The following ACBD5 variants were observed in gnomAD, a reference collection of about 807,000 sequenced individuals.
The protein encoded by ACBD5 is acyl-CoA-binding domain-containing protein 5.
A neutral mutation model predicts 71.8 loss-of-function variants in ACBD5; 40 were observed. That is an observed-to-expected ratio of 0.56 (90% CI 0.43 to 0.72). The LOEUF (loss-of-function observed/expected upper bound fraction) is 0.72. Ranked by LOEUF, ACBD5 falls within the 30% of genes least tolerant of loss-of-function variation. The pLI, the probability that ACBD5 is intolerant of heterozygous loss-of-function variation, is 0.00. For missense variants in ACBD5, 559 were observed against 644.5 expected (o/e 0.87, Z 1.44); for synonymous variants, 229 against 218.6 (o/e 1.05, Z -0.42).
chr10:27,228,073 A>G (rs1329984390), intron 4 of ACBD5, among the ~76,000 whole-genome samples: 6 of 151,828 alleles, frequency 4.0e-5, no homozygotes, highest in African/African-American at 1.2e-4. Flanking sequence ...GATTATCCCA[A>G]TCTCTTAGAA....
chr10:27,204,239 A>T (rs1479323976), intron 12 of ACBD5, among the ~76,000 whole-genome samples: 1 of 150,894 alleles, frequency 6.6e-6, no homozygotes, highest in South Asian at 2.1e-4. Flanking sequence ...TCAAGTGAAA[A>T]TGTTTTTAAG....
intron 12 of ACBD5, among the ~76,000 whole-genome samples, chr10:27,199,463 A>C (rs1171297514): frequency 6.6e-6 from 1 of 152,152 alleles, no homozygotes; most frequent in South Asian, 2.1e-4. Flanking sequence ...GTTTTGTTTT[A>C]AATCAACTTG....
chr10:27,224,366 G>A (rs1259118318), intron 4 of ACBD5, among the ~76,000 whole-genome samples: 2 of 152,114 alleles, frequency 1.3e-5, no homozygotes, highest in African/African-American at 4.8e-5. Context: ...GCAACAGAGC[G>A]AGATCTTGTC....
intron 2 of ACBD5, among the ~76,000 whole-genome samples, chr10:27,236,785 G>A (rs1248167104): frequency 6.6e-6 from 1 of 151,196 alleles, no homozygotes; most frequent in Non-Finnish European, 1.5e-5. Flanking sequence ...CTACTCAGGA[G>A]GCTGAGACAG....
intron 5 of ACBD5, 121 bp from the exon 6 acceptor site, chr10:27,219,978 A>C (rs2062128369): frequency 1.3e-6 from 1 of 782,758 alleles, no homozygotes; most frequent in Admixed American, 3.2e-5. Flanking sequence ...AAAATGTTAT[A>C]TATATAATAG....
intron 12 of ACBD5, among the ~76,000 whole-genome samples, chr10:27,198,924 A>G (rs1444643370): frequency 6.6e-6 from 1 of 152,038 alleles, no homozygotes; most frequent in East Asian, 2.0e-4. Context: ...TCCTGCTAAC[A>G]CGGTGAAACC....
chr10:27,236,595 A>T (rs2064733982), intron 2 of ACBD5, among the ~76,000 whole-genome samples: 1 of 152,174 alleles, frequency 6.6e-6, no homozygotes, highest in Non-Finnish European at 1.5e-5. Context: ...CTAGCAGTTT[A>T]TAAGAGCTGT....
intron 7 of ACBD5, among the ~76,000 whole-genome samples, chr10:27,216,522 C>T (rs113156932): frequency 0.059 from 9,016 of 152,108 alleles, 418 homozygotes; most frequent in Admixed American, 0.12. Context: ...GTGATCCACC[C>T]GCCTCGGCCT....
At chr10:27,236,843 C>A (rs527520941) in intron 2 of ACBD5, among the ~76,000 whole-genome samples, 55 of 144,758 alleles carry the variant, frequency 3.8e-4, no homozygotes, top group African/African-American at 1.4e-3. Flanking sequence ...CAAGATCACA[C>A]CACTGCACTA....
intron 12 of ACBD5, among the ~76,000 whole-genome samples, chr10:27,200,646 A>G (rs941826522): frequency 6.6e-6 from 1 of 151,998 alleles, no homozygotes; most frequent in Admixed American, 6.6e-5. Context: ...TTTAGTAGAG[A>G]TAGAGTTTCA....
intron 9 of ACBD5, 97 bp from the exon 10 acceptor site, chr10:27,208,542 A>T: frequency 7.0e-7 from 1 of 1,429,196 alleles, no homozygotes; most frequent in South Asian, 1.2e-5. Context: ...TTGAGATCTA[A>T]ATCTCCAAAG....
At chr10:27,187,751 C>CA (rs11442040) in intron 13 of ACBD5, among the ~76,000 whole-genome samples, 81,390 of 139,206 alleles carry the variant, frequency 0.58, 24,440 homozygotes, top group Non-Finnish European at 0.7. Context: ...GACTCAGTCT[C>CA]AAAAAAAAAA....
chr10:27,207,626 G>T (rs184208853), intron 10 of ACBD5, among the ~76,000 whole-genome samples: 1 of 152,242 alleles, frequency 6.6e-6, no homozygotes, highest in East Asian at 1.9e-4. Flanking sequence ...CTCAAGAAGC[G>T]GCAGCTGAGT....
At chr10:27,186,709 T>G in intron 13 of ACBD5, 1 of 644,244 alleles carries the variant, frequency 1.6e-6, no homozygotes, top group South Asian at 1.8e-5. Context: ...AGGAATATAG[T>G]CAGTAATTTA....
chr10:27,215,138 TG>T (rs1205097589), intron 8 of ACBD5, among the ~76,000 whole-genome samples: 2 of 152,068 alleles, frequency 1.3e-5, no homozygotes, highest in African/African-American at 4.8e-5. Context: ...CACTCCAGCC[TG>T]GGTGACAGAC....
chr10:27,185,429 T>TC (rs1159579080), intron 13 of ACBD5, among the ~76,000 whole-genome samples: 2 of 150,846 alleles, frequency 1.3e-5, no homozygotes, highest in African/African-American at 4.9e-5. Flanking sequence ...GGTCGGGAGT[T>TC]CGAGACCAGC....
chr10:27,200,125 G>C (rs769423217), intron 12 of ACBD5, among the ~76,000 whole-genome samples: 2 of 152,162 alleles, frequency 1.3e-5, no homozygotes, highest in Non-Finnish European at 2.9e-5. Context: ...TGCATTCTCA[G>C]GTTAAGCCAT....
downstream of ACBD5, among the ~76,000 whole-genome samples, chr10:27,193,808 T>C (rs1262307255): frequency 6.6e-6 from 1 of 152,144 alleles, no homozygotes; most frequent in Non-Finnish European, 1.5e-5. Flanking sequence ...TGGACTTCTA[T>C]CTCCAGACTT....
chr10:27,231,727 A>T (rs1158708272), intron 4 of ACBD5, 21 bp downstream of exon 4: 11 of 1,610,350 alleles, frequency 6.8e-6, no homozygotes, highest in Non-Finnish European at 9.3e-6. Flanking sequence ...TTTCATTTTA[A>T]CTGTGAATTA....
Sources: allele counts gnomAD v4.1 joint callset (sites outside exome capture counted in the v4.1 genomes callset), GRCh38; gene constraint gnomAD v4.1.1; transcripts MANE v1.5; gene names NCBI Gene and HGNC (gene_info 2026-07-23, HGNC 2026-07-21).